PARD3B: variants seen among roughly 807,000 people sequenced by gnomAD.
The protein encoded by PARD3B is par-3 family cell polarity regulator beta, also known as partitioning defective 3 homolog B.
PARD3B carries 103 observed loss-of-function variants against 130.2 expected under a neutral mutation model. The observed-to-expected ratio is 0.79, with a 90% confidence interval of 0.67 to 0.93. PARD3B has a LOEUF of 0.93. Ranked by LOEUF, PARD3B falls within the 40% of genes least tolerant of loss-of-function variation. The pLI is 0.00. For synonymous variants in PARD3B, 583 were observed against 553.2 expected (o/e 1.05, Z -0.76); for missense variants, 1,609 against 1,499.2 (o/e 1.07, Z -1.21).
Position 205,562,639 on chromosome 2 carries a change from G to T in PARD3B, c.3260+9236G>T, listed in dbSNP as rs2053177898. On this transcript the variant is annotated intron_variant, in intron 22 of 22. Coordinates refer to ENST00000406610, the MANE Select transcript of PARD3B (RefSeq NM_001302769.2). This position sits in a 1 kb window ranked among gnomAD's most constrained non-coding sequence, Gnocchi z 5.4. ...TACTTCTCCAGCCAAAAGAAAAGAA[G>T]GTTGTTTTGTGCCTAGGCATCTGCT... Among the ~76,000 whole-genome samples, 1 of 152,180 alleles carries T rather than the reference G, an allele frequency of 6.6e-6. No homozygotes were observed. Among genetic ancestry groups the T allele is most frequent in the African/African-American group, 2.4e-5 (1 of 41,444 alleles).
chr2:205,451,466 A>T (rs996233985), intron 20 of PARD3B, among the ~76,000 whole-genome samples: 3 of 152,132 alleles, frequency 2.0e-5, no homozygotes, highest in African/African-American at 7.2e-5. Flanking sequence ...CCACAAATAG[A>T]TTACCTTTAG....
At chr2:205,487,772 A>G (rs1349332086) in intron 20 of PARD3B, among the ~76,000 whole-genome samples, 1 of 152,208 alleles carries the variant, frequency 6.6e-6, no homozygotes, top group Non-Finnish European at 1.5e-5. Context: ...TAATCCCCAT[A>G]TAAATGTCAG....
chr2:205,195,200 A>AT (rs979574966), intron 15 of PARD3B, among the ~76,000 whole-genome samples: 1 of 152,162 alleles, frequency 6.6e-6, no homozygotes, highest in African/African-American at 2.4e-5. Context: ...CATTCTTTGC[A>AT]TTTTTTTATA....
At chr2:205,505,525 A>G (rs904138573) in intron 21 of PARD3B, among the ~76,000 whole-genome samples, 10 of 152,232 alleles carry the variant, frequency 6.6e-5, no homozygotes, top group Admixed American at 2.0e-4. Flanking sequence ...AGCTGTAAAG[A>G]ACAAGTTGAA....
At chr2:204,861,819 A>G (rs575495900) in intron 2 of PARD3B, among the ~76,000 whole-genome samples, 3 of 151,702 alleles carry the variant, frequency 2.0e-5, no homozygotes, top group Non-Finnish European at 4.4e-5. Context: ...GAAGGATCCC[A>G]TAAAAATTAC....
intron 20 of PARD3B, among the ~76,000 whole-genome samples, chr2:205,485,271 C>T (rs1396961603): frequency 3.3e-5 from 5 of 152,126 alleles, no homozygotes; most frequent in African/African-American, 1.2e-4. Flanking sequence ...GCTGATGCAT[C>T]GTGCTTCATC....
intron 22 of PARD3B, among the ~76,000 whole-genome samples, chr2:205,609,752 T>G (rs1199973434): frequency 1.3e-5 from 2 of 152,238 alleles, no homozygotes; most frequent in Admixed American, 1.3e-4. Context: ...TTTCTTCACA[T>G]ACTAAACTCA....
intron 22 of PARD3B, among the ~76,000 whole-genome samples, chr2:205,610,012 C>T (rs1410460083): frequency 6.6e-6 from 1 of 152,192 alleles, no homozygotes; most frequent in Middle Eastern, 3.2e-3. Flanking sequence ...TAAATTATAG[C>T]AGACTCAAGT....
At chr2:204,772,062 G>A (rs2041410776) in intron 2 of PARD3B, among the ~76,000 whole-genome samples, 1 of 151,970 alleles carries the variant, frequency 6.6e-6, no homozygotes, top group African/African-American at 2.4e-5. Flanking sequence ...ATTAGTAAAG[G>A]TGACTTTCTT....
intron 18 of PARD3B, among the ~76,000 whole-genome samples, chr2:205,371,236 A>C (rs1011367330): frequency 8.5e-5 from 13 of 152,238 alleles, no homozygotes; most frequent in Non-Finnish European, 1.8e-4. Context: ...TCATTTAAAA[A>C]ATACCAGTGA....
At chr2:205,249,660 C>G (rs1380382082) in intron 16 of PARD3B, among the ~76,000 whole-genome samples, 1 of 152,062 alleles carries the variant, frequency 6.6e-6, no homozygotes. Flanking sequence ...AGGGGCTTCC[C>G]CAAAAGGGCA....
chr2:205,212,536 G>A (rs907910060), intron 15 of PARD3B, among the ~76,000 whole-genome samples: 3 of 152,218 alleles, frequency 2.0e-5, no homozygotes, highest in African/African-American at 7.2e-5. Context: ...TGGGACACGT[G>A]GAGCAATGCT....
At position 205,592,022 on chromosome 2, in the gene PARD3B, T is replaced by C. The variant is rs916460787; in HGVS notation, c.3261-23434T>C. Among the ~76,000 whole-genome samples the C allele has an allele frequency of 6.6e-6, 1 of 152,216 alleles. No homozygotes were observed. The highest frequency in any genetic ancestry group is 2.4e-5 in the African/African-American group (1 of 41,470). On this transcript the variant is annotated intron_variant, in intron 22 of 22. Transcript: ENST00000406610. This position sits in a 1 kb window ranked among gnomAD's most constrained non-coding sequence, Gnocchi z 4.5. ...GGAAGGATAATCCTACCAGTGATGA[T>C]GTCTTACAGTGTGTAACTGGGCTTT...
chr2:204,925,405 C>G (rs781310315), intron 2 of PARD3B, among the ~76,000 whole-genome samples: 1 of 152,074 alleles, frequency 6.6e-6, no homozygotes, highest in African/African-American at 2.4e-5. Flanking sequence ...GCATCCCACC[C>G]TCTTTGATGA....
intron 3 of PARD3B, among the ~76,000 whole-genome samples, chr2:204,990,734 A>G (rs1207956356): frequency 1.3e-5 from 2 of 152,128 alleles, no homozygotes; most frequent in African/African-American, 2.4e-5. Context: ...GTTGATTTTA[A>G]TAGAGTCAAC....
intron 2 of PARD3B, among the ~76,000 whole-genome samples, chr2:204,901,207 C>G (rs1368360383): frequency 6.6e-6 from 1 of 152,124 alleles, no homozygotes; most frequent in Admixed American, 6.5e-5. Flanking sequence ...CCCTTGGTCC[C>G]AGGTGGATCC....
At chr2:205,456,889 AATC>A in intron 20 of PARD3B, among the ~76,000 whole-genome samples, 1 of 149,904 alleles carries the variant, frequency 6.7e-6, no homozygotes, top group South Asian at 2.1e-4. Context: ...TAAATTGAAT[AATC>A]AATTTAATAT....
At chr2:205,237,719 A>G (rs879594476) in intron 15 of PARD3B, among the ~76,000 whole-genome samples, 8 of 152,174 alleles carry the variant, frequency 5.3e-5, no homozygotes, top group Non-Finnish European at 1.0e-4. Context: ...AGGAATCACT[A>G]CCCTAGTGGT....
At chr2:205,527,292 G>A (rs915720244) in intron 21 of PARD3B, among the ~76,000 whole-genome samples, 1 of 152,078 alleles carries the variant, frequency 6.6e-6, no homozygotes, top group Non-Finnish European at 1.5e-5. Flanking sequence ...ACAACCTAAT[G>A]ACCTTCTGTA....
Sources: allele counts gnomAD v4.1 joint callset (sites outside exome capture counted in the v4.1 genomes callset), GRCh38; gene constraint gnomAD v4.1.1; non-coding constraint Gnocchi (gnomAD v3.1); transcripts MANE v1.5; gene names NCBI Gene and HGNC (gene_info 2026-07-23, HGNC 2026-07-21).